The following USH2A variants were observed in gnomAD, a reference collection of about 807,000 sequenced individuals.
USH2A encodes Usher syndrome 2A (autosomal recessive, mild).
Under a neutral mutation model 538.9 loss-of-function variants are expected in USH2A, and 443 were observed. That is an observed-to-expected ratio of 0.82 (90% CI 0.76 to 0.89). The LOEUF (loss-of-function observed/expected upper bound fraction) is 0.89, where lower values mean the gene tolerates loss of function less well. Among genes scored for constraint, USH2A ranks in the 40% least tolerant of loss-of-function variants. The pLI is 0.00. For synonymous variants in USH2A, 2,413 were observed against 2,273.5 expected (o/e 1.06, Z -1.75); for missense variants, 6,633 against 6,324.8 (o/e 1.05, Z -1.65).
At chr1:215,883,677 A>T (rs1251649500) in intron 41 of USH2A, among the ~76,000 whole-genome samples, 1 of 152,108 alleles carries the variant, frequency 6.6e-6, no homozygotes, top group Non-Finnish European at 1.5e-5. Flanking sequence ...TAAAATGCAG[A>T]TTCTACCTAC....
At chr1:215,656,500 G>T (rs1657258066) in intron 64 of USH2A, among the ~76,000 whole-genome samples, 1 of 152,176 alleles carries the variant, frequency 6.6e-6, no homozygotes, top group Admixed American at 6.5e-5. Context: ...TCATAAAATT[G>T]TAATACAGGA....
At chr1:215,872,185 C>T (rs973933528) in intron 43 of USH2A, among the ~76,000 whole-genome samples, 5 of 152,166 alleles carry the variant, frequency 3.3e-5, no homozygotes, top group African/African-American at 1.2e-4. Flanking sequence ...CATACTTTTC[C>T]TTACATCTTC....
chr1:215,808,474 GT>G (rs1279111906), intron 49 of USH2A, among the ~76,000 whole-genome samples: 1 of 151,964 alleles, frequency 6.6e-6, no homozygotes, highest in East Asian at 1.9e-4. Flanking sequence ...AGGACCATTA[GT>G]TTTTTTGGGT....
intron 2 of USH2A, among the ~76,000 whole-genome samples, 158 bp from the exon 3 acceptor site, chr1:216,418,837 C>A (rs949366766): frequency 2.6e-5 from 4 of 152,004 alleles, no homozygotes; most frequent in Non-Finnish European, 5.9e-5. Flanking sequence ...TCAATGAAAG[C>A]TTTATTCCAA....
chr1:215,662,872 T>C (rs1265996345), intron 64 of USH2A, among the ~76,000 whole-genome samples: 1 of 152,144 alleles, frequency 6.6e-6, no homozygotes, highest in African/African-American at 2.4e-5. Context: ...AGTCCAAAAC[T>C]AAACAGAAAA....
At chr1:216,270,707 C>A (rs968960117) in intron 11 of USH2A, among the ~76,000 whole-genome samples, 22 of 72,448 alleles carry the variant, frequency 3.0e-4, no homozygotes, top group African/African-American at 8.3e-4. Flanking sequence ...TTCATTCATT[C>A]CAATTTTTTT....
At chr1:216,164,665 A>G (rs1369935576) in intron 21 of USH2A, among the ~76,000 whole-genome samples, 1 of 152,166 alleles carries the variant, frequency 6.6e-6, no homozygotes, top group African/African-American at 2.4e-5. Flanking sequence ...ACAACAAAAA[A>G]CAGGTCAGAG....
intron 40 of USH2A, 88 bp downstream of exon 40, chr1:215,899,987 G>A (rs55994706): frequency 6.0e-5 from 95 of 1,575,146 alleles, no homozygotes; most frequent in Non-Finnish European, 8.0e-5. Flanking sequence ...AATAAGGGAG[G>A]CTCATTTCTT....
intron 54 of USH2A, 21 bp downstream of exon 54, chr1:215,782,021 G>A (rs1332256793): frequency 6.2e-7 from 1 of 1,613,690 alleles, no homozygotes; most frequent in Admixed American, 1.7e-5. Flanking sequence ...TTTTCCCAGA[G>A]TTTAGGCAAA....
intron 66 of USH2A, among the ~76,000 whole-genome samples, chr1:215,648,183 T>C (rs570105892): frequency 1.3e-5 from 2 of 152,376 alleles, no homozygotes; most frequent in Non-Finnish European, 2.9e-5. Context: ...AGGTATCTTA[T>C]GTTCCAGTGA....
chr1:215,917,168 A>G (rs1665976832), intron 38 of USH2A, among the ~76,000 whole-genome samples: 1 of 152,064 alleles, frequency 6.6e-6, no homozygotes, highest in African/African-American at 2.4e-5. Context: ...CAAACCACCA[A>G]CCAAATTTTT....
At chr1:216,176,180 T>C (rs2034378482) in intron 20 of USH2A, among the ~76,000 whole-genome samples, 1 of 152,162 alleles carries the variant, frequency 6.6e-6, no homozygotes, top group Admixed American at 6.5e-5. Flanking sequence ...TGATTGCTCC[T>C]GTGGAGCACG....
At chr1:215,650,907 T>C (rs1217335391) in intron 64 of USH2A, 106 bp from the exon 65 acceptor site, 1 of 1,205,558 alleles carries the variant, frequency 8.3e-7, no homozygotes, top group Non-Finnish European at 1.2e-6. Context: ...CAAAAGCAAC[T>C]AAACACAACA....
intron 41 of USH2A, among the ~76,000 whole-genome samples, chr1:215,882,815 T>C (rs1310208259): frequency 6.6e-6 from 1 of 152,202 alleles, no homozygotes; most frequent in East Asian, 1.9e-4. Context: ...CCTTTCATGG[T>C]TGAAAACAAA....
In USH2A at chr1:216,391,149, T is replaced by C. The variant is rs977994435; in HGVS notation, c.652-26064A>G. Among the ~76,000 whole-genome samples, 8 of 152,298 alleles carry C rather than the reference T, an allele frequency of 5.3e-5. No homozygotes were observed. The South Asian group carries it at 1.0e-3, about 20-fold the overall frequency. On this transcript the variant is annotated intron_variant, in intron 3 of 71. Coordinates refer to ENST00000307340, the MANE Select transcript of USH2A (RefSeq NM_206933.4). ...ATCTGTCAAATGTAATCTGTGCAAG[T>C]GAATATGCTTAAGCTGGTGCTATGA...
chr1:215,622,906 A>G lies in USH2A; in HGVS notation c.*2875T>C, dbSNP rs186006023. 7.2e-4 allele frequency: 109 copies of G among 152,280 alleles called. No individual in the cohort carries two copies. Among genetic ancestry groups the G allele is most frequent in the African/African-American group, 2.5e-3 (103 of 41,576 alleles). 9.4% of individuals were successfully genotyped at this position (152,280 alleles called of 1,614,324 possible). A position where few individuals can be genotyped will look rare whatever the true frequency, so the allele number is the denominator to read the frequency against. The stretch of plus-strand genomic sequence containing the variant: ...TAAGCCAGAATTAGGTCACATTCAA[A>G]TATTTATTAAGCAAACCATCTTTAG... On this transcript the variant is annotated 3_prime_UTR_variant, in exon 72 of 72. Transcript: ENST00000307340.
intron 46 of USH2A, among the ~76,000 whole-genome samples, chr1:215,843,173 C>G (rs1663732667): frequency 6.6e-6 from 1 of 152,010 alleles, no homozygotes; most frequent in African/African-American, 2.4e-5. Flanking sequence ...TGAGGTAGTA[C>G]TATTAAATGG....
intron 21 of USH2A, among the ~76,000 whole-genome samples, chr1:216,159,904 T>C (rs1379516362): frequency 6.6e-6 from 1 of 152,140 alleles, no homozygotes; most frequent in Non-Finnish European, 1.5e-5. Context: ...TTTTCTCCCA[T>C]GCAAAGGATC....
chr1:215,879,180 CTT>C (rs1664848790), intron 41 of USH2A, 82 bp from the exon 42 acceptor site: 1 of 1,280,898 alleles, frequency 7.8e-7, no homozygotes, highest in Non-Finnish European at 1.1e-6. Flanking sequence ...GAATTTTGCT[CTT>C]GTTTTCAGTT....
Sources: allele counts gnomAD v4.1 joint callset (sites outside exome capture counted in the v4.1 genomes callset), GRCh38; gene constraint gnomAD v4.1.1; transcripts MANE v1.5; gene names NCBI Gene and HGNC (gene_info 2026-07-23, HGNC 2026-07-21).